The following KAT2B variants were observed in gnomAD, a reference collection of about 807,000 sequenced individuals.
KAT2B encodes the protein lysine acetyltransferase 2B, also known as histone acetyltransferase KAT2B.
KAT2B carries 36 observed loss-of-function variants against 105.9 expected under a neutral mutation model. The observed-to-expected ratio is 0.34, with a 90% confidence interval of 0.26 to 0.45. The LOEUF (loss-of-function observed/expected upper bound fraction) is 0.45, where lower values mean the gene tolerates loss of function less well. KAT2B is among the 20% of genes least tolerant of loss of function. The pLI, the probability that KAT2B is intolerant of heterozygous loss-of-function variation, is 1.00. For synonymous variants in KAT2B, 397 were observed against 377.9 expected, an observed-to-expected ratio of 1.05 and a Z score of -0.59; for missense variants, 820 against 1,021.6, an observed-to-expected ratio of 0.80 and a Z score of 2.69.
chr3:20,104,977 C>G (rs745625014), intron 5 of KAT2B, among the ~76,000 whole-genome samples: 1 of 151,670 alleles, frequency 6.6e-6, no homozygotes, highest in Non-Finnish European at 1.5e-5. Flanking sequence ...CCTCCACCTC[C>G]TGAGTTCAGG....
At chr3:20,129,169 G>A (rs1267412919) in intron 11 of KAT2B, among the ~76,000 whole-genome samples, 1 of 151,706 alleles carries the variant, frequency 6.6e-6, no homozygotes, top group Admixed American at 6.6e-5. Context: ...CAAATATGAG[G>A]TTATAAAAGC....
At chr3:20,075,874 T>G (rs944512579) in intron 2 of KAT2B, among the ~76,000 whole-genome samples, 20 of 148,136 alleles carry the variant, frequency 1.4e-4, no homozygotes, top group Non-Finnish European at 2.5e-4. Context: ...ATCTCACCAC[T>G]GCAGCCTGGG....
intron 8 of KAT2B, among the ~76,000 whole-genome samples, chr3:20,120,643 A>G (rs1056479160): frequency 1.3e-5 from 2 of 152,162 alleles, no homozygotes; most frequent in African/African-American, 4.8e-5. Flanking sequence ...GCAAAGTCAC[A>G]TAGCAAAGAG....
chr3:20,123,478 C>T (rs911531087), intron 9 of KAT2B, among the ~76,000 whole-genome samples: 3 of 152,142 alleles, frequency 2.0e-5, no homozygotes, highest in African/African-American at 7.2e-5. Flanking sequence ...GCTGTCTTTG[C>T]ATTACAACAG....
In KAT2B at chr3:20,040,484, G is replaced by A. The variant is rs1452321444; in HGVS notation, c.7G>A (p.Glu3Lys). ...TGCCGTGCTCCGGGGCGGCATGTCC[G>A]AGGCTGGCGGGGCCGGGCCGGGCGG... MS[E>K]AGGAGPGGCG... Residue 3 changes from glutamate to lysine, a missense_variant, in exon 1 of 18, where the codon GAG becomes AAG. Coordinates refer to ENST00000263754, the MANE Select transcript of KAT2B (RefSeq NM_003884.5). 9.5e-7 allele frequency: 1 copy of A among 1,055,678 alleles called. No homozygotes were observed. Among genetic ancestry groups the A allele is most frequent in the African/African-American group, 1.7e-5 (1 of 58,702 alleles). 65.4% of individuals were successfully genotyped at this position (1,055,678 alleles called of 1,614,324 possible).
At chr3:20,125,690 T>A (rs1461223498) in intron 9 of KAT2B, among the ~76,000 whole-genome samples, 1 of 152,204 alleles carries the variant, frequency 6.6e-6, no homozygotes, top group Non-Finnish European at 1.5e-5. Flanking sequence ...TACTCCAATT[T>A]CTCAAAATGC....
At chr3:20,051,651 A>C (rs1378839588) in intron 1 of KAT2B, among the ~76,000 whole-genome samples, 1 of 152,226 alleles carries the variant, frequency 6.6e-6, no homozygotes, top group Admixed American at 6.5e-5. Context: ...CTACTTGCTG[A>C]GGCCATTAAA....
chr3:20,096,087 G>A (rs1327141765), intron 3 of KAT2B, among the ~76,000 whole-genome samples: 1 of 152,072 alleles, frequency 6.6e-6, no homozygotes, highest in Non-Finnish European at 1.5e-5. Flanking sequence ...GGAGGGCAGC[G>A]TGGTGGAGCC....
chr3:20,055,529 G>A (rs1697989942), intron 1 of KAT2B, among the ~76,000 whole-genome samples: 1 of 152,150 alleles, frequency 6.6e-6, no homozygotes, highest in South Asian at 2.1e-4. Context: ...AGGCCTGCAT[G>A]ATAAGAAGTG....
intron 1 of KAT2B, among the ~76,000 whole-genome samples, chr3:20,044,966 A>G (rs1379930701): frequency 6.6e-6 from 1 of 152,218 alleles, no homozygotes; most frequent in Non-Finnish European, 1.5e-5. Flanking sequence ...GAGATTTGTC[A>G]TATAGGACAG....
chr3:20,070,161 C>T (rs1698295031), intron 1 of KAT2B, among the ~76,000 whole-genome samples: 1 of 152,104 alleles, frequency 6.6e-6, no homozygotes, highest in African/African-American at 2.4e-5. Flanking sequence ...CTTCTCCATC[C>T]TCATTAATAC....
intron 2 of KAT2B, among the ~76,000 whole-genome samples, chr3:20,084,551 A>G (rs755233743): frequency 6.6e-6 from 1 of 152,208 alleles, no homozygotes; most frequent in Non-Finnish European, 1.5e-5. Flanking sequence ...CTCTGAGGAG[A>G]GATCACATAT....
rs3062235 is a variant in KAT2B, at chr3:20,096,949, AAGAGAGAG to A, written c.576+1557_576+1564del. On this transcript the variant is annotated intron_variant, in intron 3 of 17. Coordinates refer to ENST00000263754, the MANE Select transcript of KAT2B (RefSeq NM_003884.5). Reference sequence around the variant, plus strand: ...ATTAACTTTAAAAAGAATAATAGGAAAGAGAGAGAGAGAGAGAGAGAGAAAGAGAGTGG... The same window carrying A: ...ATTAACTTTAAAAAGAATAATAGGAAAGAGAGAGAGAGAGAAAGAGAGTGG... 2.5e-3 allele frequency among the ~76,000 whole-genome samples: 375 copies of A among 150,286 alleles called. 1 individual carries two copies. Among genetic ancestry groups the A allele is most frequent in the African/African-American group, 8.7e-3 (357 of 40,824 alleles).
chr3:20,152,297 G>A, intron 17 of KAT2B, 35 bp from the exon 18 acceptor site: 18 of 1,539,406 alleles, frequency 1.2e-5, no homozygotes, highest in Non-Finnish European at 1.4e-5. Flanking sequence ...TTTAAAGGGA[G>A]TCAAAGATTG....
At chr3:20,085,534 G>A (rs1698598019) in intron 2 of KAT2B, among the ~76,000 whole-genome samples, 1 of 148,348 alleles carries the variant, frequency 6.7e-6, no homozygotes, top group Admixed American at 6.7e-5. Flanking sequence ...TTTGCAGGGG[G>A]CAGAGTCTTG....
Position 20,121,782 on chromosome 3 carries a change from GTA to G in KAT2B, c.1277-883_1277-882del, listed in dbSNP as rs1266658544. Among the ~76,000 whole-genome samples, 59 of 137,228 alleles carry G rather than the reference GTA, an allele frequency of 4.3e-4. 1 individual carries two copies. The highest frequency in any genetic ancestry group is 7.0e-4 in the South Asian group (3 of 4,258). 90.0% of individuals were successfully genotyped at this position (137,228 alleles called of 152,430 possible). A position where few individuals can be genotyped will look rare whatever the true frequency, so the allele number is the denominator to read the frequency against. Reference sequence around the variant, plus strand: ...TGTGTGTGTGTGTGTGTGTGTGTGTGTATAGCCAAGCCCAGCACAGAGATTCC... The same window carrying G: ...TGTGTGTGTGTGTGTGTGTGTGTGTGTAGCCAAGCCCAGCACAGAGATTCC... On this transcript the variant is annotated intron_variant, in intron 8 of 17. Transcript: ENST00000263754.
chr3:20,095,903 C>T (rs924849098), intron 3 of KAT2B, among the ~76,000 whole-genome samples: 12 of 151,996 alleles, frequency 7.9e-5, no homozygotes, highest in East Asian at 5.8e-4. Flanking sequence ...GACATGCCAG[C>T]GAGGAAGGTC....
chr3:20,091,576 AC>A (rs1417493766), intron 2 of KAT2B, among the ~76,000 whole-genome samples: 1 of 151,918 alleles, frequency 6.6e-6, no homozygotes. Flanking sequence ...TTGAGGTGTA[AC>A]ATTAGGTTGT....
At chr3:20,102,833 C>CT (rs1260975841) in intron 5 of KAT2B, among the ~76,000 whole-genome samples, 1 of 152,152 alleles carries the variant, frequency 6.6e-6, no homozygotes, top group Non-Finnish European at 1.5e-5. Flanking sequence ...TTAGTGCCTA[C>CT]TTTTTTCCTG....
Sources: gnomAD v4.1 joint callset for allele counts (sites outside exome capture counted in the v4.1 genomes callset) on GRCh38, gnomAD v4.1.1 for gene constraint, MANE v1.5 for transcripts, NCBI Gene and HGNC (gene_info 2026-07-23, HGNC 2026-07-21) for gene names.